Variants in ANAPC10 observed in about 807,000 individuals in gnomAD.
The protein encoded by ANAPC10 is anaphase-promoting complex subunit 10.
Under a neutral mutation model 22.0 loss-of-function variants are expected in ANAPC10, and 12 were observed. That is an observed-to-expected ratio of 0.55 (90% CI 0.35 to 0.88). The LOEUF is 0.88. Ranked by LOEUF, ANAPC10 falls within the 40% of genes least tolerant of loss-of-function variation. ANAPC10 has a pLI of 0.01. For missense variants in ANAPC10, 188 were observed against 220.9 expected, an observed-to-expected ratio of 0.85 and a Z score of 0.94; for synonymous variants, 65 against 69.5, an observed-to-expected ratio of 0.94 and a Z score of 0.32.
chr4:145,056,958 A>G (rs1742157365), intron 4 of ANAPC10, among the ~76,000 whole-genome samples: 1 of 152,124 alleles, frequency 6.6e-6, no homozygotes, highest in Admixed American at 6.5e-5. Flanking sequence ...TACCATTGCC[A>G]CTTTGCCTAA....
In ANAPC10 at chr4:144,995,079, A is replaced by C; in HGVS notation, c.*294T>G. The C allele has an allele frequency of 4.8e-6, 1 of 209,140 alleles. No homozygotes were observed. The allele number at this position is 209,140 out of a possible 1,614,324, so 13.0% of individuals were successfully genotyped here. On this transcript the variant is annotated 3_prime_UTR_variant, in exon 5 of 5. Transcript: ENST00000507656. The stretch of plus-strand genomic sequence containing the variant: ...TAATTGTGTATATACTGAAATTTTC[A>C]GTTCAACTCTTTTCTTTTGATACAA...
At chr4:145,001,724 T>A (rs903828829) in intron 4 of ANAPC10, among the ~76,000 whole-genome samples, 2 of 152,086 alleles carry the variant, frequency 1.3e-5, no homozygotes, top group Admixed American at 1.3e-4. Flanking sequence ...AAACCTACAG[T>A]GGTGTAAACA....
intron 4 of ANAPC10, among the ~76,000 whole-genome samples, chr4:145,058,333 G>A (rs1742367444): frequency 6.6e-6 from 1 of 152,084 alleles, no homozygotes; most frequent in African/African-American, 2.4e-5. Context: ...CACCTGAATA[G>A]GCTTTGTATT....
intron 4 of ANAPC10, among the ~76,000 whole-genome samples, chr4:145,004,785 A>G (rs1482056262): frequency 3.3e-5 from 5 of 152,084 alleles, no homozygotes; most frequent in Non-Finnish European, 2.9e-5. Flanking sequence ...ATGTTCATGA[A>G]GGATATTGGC....
chr4:145,013,713 A>C (rs180845442), intron 4 of ANAPC10, among the ~76,000 whole-genome samples: 58 of 152,144 alleles, frequency 3.8e-4, no homozygotes, highest in African/African-American at 1.4e-3. Flanking sequence ...CCTCTGAAAA[A>C]AGCGGTCTGC....
chr4:145,098,070 T>C (rs1471922542), intron 1 of ANAPC10, 50 bp downstream of exon 1: 1 of 154,326 alleles, frequency 6.5e-6, no homozygotes, highest in Non-Finnish European at 1.4e-5. Flanking sequence ...CGAATGCATC[T>C]GTTTACGCTA....
intron 3 of ANAPC10, among the ~76,000 whole-genome samples, chr4:145,068,364 T>C (rs1744009701): frequency 1.3e-5 from 2 of 152,206 alleles, no homozygotes; most frequent in African/African-American, 4.8e-5. Context: ...GACTACATTA[T>C]ATAAGAGTAA....
rs1731443829 is a variant in ANAPC10, at chr4:144,995,262, A to C, written c.*111T>G. 1.8e-6 allele frequency: 1 copy of C among 570,646 alleles called. No homozygotes were observed. The highest frequency in any genetic ancestry group is 4.2e-5 in the South Asian group (1 of 23,842). The allele number at this position is 570,646 out of a possible 1,614,324, so 35.3% of individuals were successfully genotyped here. On this transcript the variant is annotated 3_prime_UTR_variant, in exon 5 of 5. Transcript: ENST00000507656. ...AAGTTACAATAAAATATTTTTAAAC[A>C]TATACAAAATTAGATATAACGGATG...
chr4:144,995,292 G>T lies in ANAPC10; in HGVS notation c.*81C>A. 1.2e-6 allele frequency: 1 copy of T among 827,520 alleles called. No individual in the cohort carries two copies. Among genetic ancestry groups the T allele is most frequent in the Non-Finnish European group, 1.8e-6 (1 of 542,994 alleles). The allele number at this position is 827,520 out of a possible 1,614,324, so 51.3% of individuals were successfully genotyped here. On this transcript the variant is annotated 3_prime_UTR_variant, in exon 5 of 5. Transcript: ENST00000507656. ...CAAAATTAGATATAACGGATGCCTT[G>T]TTCAATAAAGGTACATGATATATTA...
intron 4 of ANAPC10, among the ~76,000 whole-genome samples, chr4:145,057,883 T>A (rs879934769): frequency 3.3e-5 from 5 of 152,040 alleles, no homozygotes; most frequent in Non-Finnish European, 7.4e-5. Context: ...CAGTCACAAG[T>A]CCTTTTAATT....
At position 145,012,508 on chromosome 4, in the gene ANAPC10, GTAAC is replaced by G. The variant is rs1395751374; in HGVS notation, c.328-16909_328-16906del. ...TCTACAGTTGAAAACTAAAATATCT[GTAAC>G]TAAGAATTCATCAGATTCATTTAAC... On this transcript the variant is annotated intron_variant, in intron 4 of 4. Coordinates refer to ENST00000507656, the MANE Select transcript of ANAPC10 (RefSeq NM_001256706.2). Among the ~76,000 whole-genome samples the G allele has an allele frequency of 2.6e-5, 4 of 152,076 alleles. No homozygotes were observed. The South Asian group carries it at 6.2e-4, about 24-fold the overall frequency.
At chr4:145,051,135 T>C (rs1741038706) in intron 4 of ANAPC10, among the ~76,000 whole-genome samples, 1 of 152,180 alleles carries the variant, frequency 6.6e-6, no homozygotes, top group Non-Finnish European at 1.5e-5. Context: ...GAGACCATCA[T>C]CATTAGTTAG....
chr4:145,011,119 G>A (rs1734234012), intron 4 of ANAPC10, among the ~76,000 whole-genome samples: 1 of 151,894 alleles, frequency 6.6e-6, no homozygotes, highest in Non-Finnish European at 1.5e-5. Flanking sequence ...ATCACCCGAG[G>A]TCAGGAGTTC....
chr4:145,054,623 GT>G (rs1277379106), intron 4 of ANAPC10, among the ~76,000 whole-genome samples: 23 of 131,888 alleles, frequency 1.7e-4, no homozygotes, highest in African/African-American at 6.4e-4. Flanking sequence ...GTGTGTGTGT[GT>G]GTGTGTGTGT....
Position 144,995,415 on chromosome 4 carries a change from T to A in ANAPC10, c.516A>T (p.Arg172Ser), listed in dbSNP as rs937235927. Residue 172 changes from arginine to serine, a missense_variant, in exon 5 of 5, where the codon AGA becomes AGT. Physicochemically the swap from Arg to Ser is moderately radical, Grantham distance 110. Coordinates refer to ENST00000507656, the MANE Select transcript of ANAPC10 (RefSeq NM_001256706.2). The stretch of plus-strand genomic sequence containing the variant: ...ACATCATGAAATCTATAGTTGTACA[T>A]CTAGGAAATTTACCAATGGAGCTCT... The part of the protein sequence containing the change: ...VEESSIGKFP[R>S]CTTIDFMMYR... 1 of 1,613,538 alleles carries A rather than the reference T, an allele frequency of 6.2e-7. No individual in the cohort carries two copies. Among genetic ancestry groups the A allele is most frequent in the Non-Finnish European group, 8.5e-7 (1 of 1,179,620 alleles).
chr4:145,092,982 C>T (rs1252018225), intron 2 of ANAPC10, among the ~76,000 whole-genome samples: 1 of 152,162 alleles, frequency 6.6e-6, no homozygotes. Flanking sequence ...CTGTCATGAA[C>T]AGCAGGGGCC....
At chr4:145,080,792 A>C (rs759997473) in intron 3 of ANAPC10, among the ~76,000 whole-genome samples, 1 of 151,608 alleles carries the variant, frequency 6.6e-6, no homozygotes, top group African/African-American at 2.4e-5. Context: ...CTGTAATCCC[A>C]GTTACTCGGA....
intron 4 of ANAPC10, among the ~76,000 whole-genome samples, chr4:144,997,915 A>G (rs575677877): frequency 1.1e-4 from 17 of 152,258 alleles, no homozygotes; most frequent in African/African-American, 4.1e-4. Flanking sequence ...AACAAAAAAA[A>G]CCAGGGGTTG....
chr4:145,062,725 A>C (rs1210100531), intron 4 of ANAPC10, among the ~76,000 whole-genome samples: 1 of 152,226 alleles, frequency 6.6e-6, no homozygotes, highest in African/African-American at 2.4e-5. Flanking sequence ...TCCCATGTTC[A>C]CTGCAGCATT....
Sources: gnomAD v4.1 joint callset for allele counts (sites outside exome capture counted in the v4.1 genomes callset) on GRCh38, gnomAD v4.1.1 for gene constraint, MANE v1.5 for transcripts, NCBI Gene and HGNC (gene_info 2026-07-23, HGNC 2026-07-21) for gene names.